The following VANGL1 variants were observed in gnomAD, a reference collection of about 807,000 sequenced individuals.
VANGL1 encodes the protein VANGL planar cell polarity protein 1.
VANGL1 carries 18 observed loss-of-function variants against 48.4 expected under a neutral mutation model. The observed-to-expected ratio is 0.37, with a 90% CI of 0.26 to 0.55. The LOEUF is 0.55. VANGL1 is among the 20% of genes least tolerant of loss of function. The pLI is 0.81. For missense variants in VANGL1, 667 were observed against 675.8 expected, an observed-to-expected ratio of 0.99 and a Z score of 0.14; for synonymous variants, 257 against 261.8, an observed-to-expected ratio of 0.98 and a Z score of 0.18.
intron 5 of VANGL1, 37 bp from the exon 6 acceptor site, chr1:115,683,907 G>T (rs368830867): frequency 1.2e-4 from 186 of 1,609,744 alleles, no homozygotes; most frequent in Admixed American, 1.7e-4. Context: ...CACCCTCGTG[G>T]TATTAACACT....
At chr1:115,662,714 C>G in intron 3 of VANGL1, among the ~76,000 whole-genome samples, 1 of 152,038 alleles carries the variant, frequency 6.6e-6, no homozygotes, top group East Asian at 1.9e-4. Context: ...TTAGCTTGGT[C>G]CATGAGAAAT....
intron 5 of VANGL1, 139 bp from the exon 6 acceptor site, chr1:115,683,805 G>A (rs1653483215): frequency 1.7e-6 from 2 of 1,155,322 alleles, no homozygotes; most frequent in Non-Finnish European, 2.5e-6. Context: ...CACCCTCCTG[G>A]GAAGTGACCT....
Position 115,664,185 on chromosome 1 carries a change from C to T in VANGL1, c.729C>T (p.Leu243=). 1 of 1,614,086 alleles carries T rather than the reference C, an allele frequency of 6.2e-7. No homozygotes were observed. The highest frequency in any genetic ancestry group is 1.3e-5 in the African/African-American group (1 of 75,056). Residue 243 remains leucine (L), a synonymous_variant, in exon 4 of 8, where the codon CTC becomes CTT. Coordinates refer to ENST00000355485, the MANE Select transcript of VANGL1 (RefSeq NM_138959.3). ...ACCTGGCCATCGTCCTGCTGGAGCT[C>T]AGGCAGCTGCAGCCCATGTTCACGC... ...IHYLAIVLLE[L]RQLQPMFTLQ...
intron 4 of VANGL1, among the ~76,000 whole-genome samples, chr1:115,666,334 G>C (rs1341893186): frequency 6.6e-6 from 1 of 152,172 alleles, no homozygotes; most frequent in Non-Finnish European, 1.5e-5. Flanking sequence ...TGTACGACTG[G>C]TTGAGCTGCA....
At chr1:115,649,460 G>T (rs1652066416) in intron 1 of VANGL1, among the ~76,000 whole-genome samples, 1 of 152,190 alleles carries the variant, frequency 6.6e-6, no homozygotes, top group Non-Finnish European at 1.5e-5. Flanking sequence ...CTTGTGGCAG[G>T]AAGGCCGGCA....
intron 1 of VANGL1, among the ~76,000 whole-genome samples, chr1:115,648,033 A>G (rs547609036): frequency 6.6e-6 from 1 of 152,268 alleles, no homozygotes; most frequent in South Asian, 2.1e-4. Context: ...AAGAGTTTTG[A>G]ATGTCAAGGG....
At chr1:115,686,151 T>C (rs1653608812) in intron 7 of VANGL1, among the ~76,000 whole-genome samples, 1 of 152,098 alleles carries the variant, frequency 6.6e-6, no homozygotes, top group African/African-American at 2.4e-5. Context: ...GAGATATTAT[T>C]ATTATCCTCA....
rs757588832 is a variant in VANGL1 at position 115,683,994 on chromosome 1, G to C, written c.997G>C (p.Ala333Pro). ...GTCCCGGGCCATGATTGCTGCAGCT[G>C]CTCGGCGCAGGGACTCAAGCCACAA... is the stretch of plus-strand genomic sequence containing the variant. ...GQSRAMIAAA[A>P]RRRDSSHNEL... The change falls in exon 6 of 8, where the codon GCT (alanine) becomes CCT (proline). Residue 333 changes from alanine (A) to proline (P), a missense_variant. Ala to Pro is a conservative substitution (Grantham distance 27). Transcript: ENST00000355485. 20 of 1,614,026 alleles carry C rather than the reference G, an allele frequency of 1.2e-5. No individual in the cohort carries two copies. The South Asian group carries it at 2.0e-4, about 16-fold the overall frequency.
intron 4 of VANGL1, among the ~76,000 whole-genome samples, chr1:115,680,998 G>A (rs1032001915): frequency 1.3e-5 from 2 of 152,186 alleles, no homozygotes; most frequent in Non-Finnish European, 2.9e-5. Context: ...ATGTCAGCAC[G>A]TACGCTGTTA....
At chr1:115,645,054 G>A (rs1651865565) in intron 1 of VANGL1, among the ~76,000 whole-genome samples, 1 of 152,154 alleles carries the variant, frequency 6.6e-6, no homozygotes, top group Admixed American at 6.5e-5. Context: ...TAGGCCACAA[G>A]TTCAAAATGT....
intron 3 of VANGL1, among the ~76,000 whole-genome samples, 180 bp from the exon 4 acceptor site, chr1:115,663,481 A>T (rs545943818): frequency 3.9e-5 from 6 of 152,348 alleles, no homozygotes; most frequent in African/African-American, 1.4e-4. Flanking sequence ...ACATTTTGAA[A>T]ATTTCAATGA....
In VANGL1 at chr1:115,642,047, C is replaced by G. The variant is rs1436902417; in HGVS notation, c.-177C>G. On this transcript the variant is annotated 5_prime_UTR_variant, in exon 1 of 8. Transcript: ENST00000355485. ...CCGCAGAGCCGGGGCCGCTGTGAGC[C>G]GAGACCGCGGGCCGCGGAGCTCGGG... 1 of 151,362 alleles carries G rather than the reference C, an allele frequency of 6.6e-6. No homozygotes were observed. The highest frequency in any genetic ancestry group is 1.5e-5 in the Non-Finnish European group (1 of 67,738). The allele number at this position is 151,362 out of a possible 1,614,324, so 9.4% of individuals were successfully genotyped here. A position where few individuals can be genotyped will look rare whatever the true frequency, so the allele number is the denominator to read the frequency against.
Position 115,691,156 on chromosome 1 carries a change from T to A in VANGL1, c.1352T>A (p.Leu451Gln), listed in dbSNP as rs1019516158. 5 of 1,614,052 alleles carry A rather than the reference T, an allele frequency of 3.1e-6. No individual in the cohort carries two copies. The highest frequency in any genetic ancestry group is 4.2e-6 in the Non-Finnish European group (5 of 1,180,020). Residue 451 changes from leucine (L) to glutamine (Q), a missense_variant, in exon 8 of 8, where the codon CTG (leucine) becomes CAG (glutamine). Physicochemically the swap from Leu to Gln is moderately radical, Grantham distance 113 (BLOSUM62 -2). Transcript: ENST00000355485. ...CGGTACCTCAGTGCGGGCCCCACCC[T>A]GCAATATGACAAGGACCGCTGGCTC... ...LERYLSAGPTLQYDKDRWLST... is the reference protein window; with the variant it reads ...LERYLSAGPTQQYDKDRWLST...
chr1:115,662,654 T>C (rs938626218), intron 3 of VANGL1, among the ~76,000 whole-genome samples: 3 of 152,224 alleles, frequency 2.0e-5, no homozygotes, highest in African/African-American at 7.2e-5. Flanking sequence ...AAACATGTTT[T>C]AGAAAGAATT....
At chr1:115,683,837 T>C in intron 5 of VANGL1, 107 bp from the exon 6 acceptor site, 1 of 1,415,186 alleles carries the variant, frequency 7.1e-7, no homozygotes, top group South Asian at 1.2e-5. Flanking sequence ...GTGTGTGTGT[T>C]CCATAGGGGG....
At chr1:115,664,391 T>C (rs1318698263) in intron 4 of VANGL1, 123 bp downstream of exon 4, 1 of 1,441,106 alleles carries the variant, frequency 6.9e-7, no homozygotes. Flanking sequence ...GACTCTTTTC[T>C]GGTTTGGGGA....
intron 1 of VANGL1, among the ~76,000 whole-genome samples, chr1:115,645,546 T>G (rs1244025157): frequency 1.3e-5 from 2 of 152,162 alleles, no homozygotes. Context: ...TGTTCTGAGG[T>G]CACACAGCTA....
intron 7 of VANGL1, among the ~76,000 whole-genome samples, 200 bp downstream of exon 7, chr1:115,685,727 G>T (rs532046420): frequency 6.6e-6 from 1 of 152,102 alleles, no homozygotes; most frequent in Non-Finnish European, 1.5e-5. Context: ...AAGGCCTCTG[G>T]ATTCTAACAG....
chr1:115,671,500 G>A (rs1652972616), intron 4 of VANGL1, among the ~76,000 whole-genome samples: 1 of 152,338 alleles, frequency 6.6e-6, no homozygotes, highest in East Asian at 1.9e-4. Context: ...GGAGGAAGGC[G>A]AGGCAGTCCA....
Sources: gnomAD v4.1 joint callset for allele counts (sites outside exome capture counted in the v4.1 genomes callset) on GRCh38, gnomAD v4.1.1 for gene constraint, MANE v1.5 for transcripts, NCBI Gene and HGNC (gene_info 2026-07-23, HGNC 2026-07-21) for gene names.